Variants in MAGI2 observed in about 807,000 individuals in gnomAD.
MAGI2 encodes the protein membrane-associated guanylate kinase, WW and PDZ domain-containing protein 2.
In MAGI2, 35 loss-of-function variants were observed where a neutral mutation model predicts 133.3. That is an observed-to-expected ratio of 0.26 (90% CI 0.20 to 0.35). The LOEUF (loss-of-function observed/expected upper bound fraction) is 0.35, where lower values mean the gene tolerates loss of function less well. Ranked by LOEUF, MAGI2 falls within the 10% of genes least tolerant of loss-of-function variation. The pLI, the probability that MAGI2 is intolerant of heterozygous loss-of-function variation, is 1.00. For missense variants in MAGI2, 1,636 were observed against 1,863.4 expected, an observed-to-expected ratio of 0.88 and a Z score of 2.25; for synonymous variants, 729 against 710.6, an observed-to-expected ratio of 1.03 and a Z score of -0.41.
chr7:78,050,875 C>G (rs1204108511), intron 21 of MAGI2, among the ~76,000 whole-genome samples: 1 of 152,088 alleles, frequency 6.6e-6, no homozygotes, highest in Admixed American at 6.5e-5. Flanking sequence ...TCTACTGGCT[C>G]CCTCTACTAT....
Position 78,624,213 on chromosome 7 carries a change from T to C in MAGI2, c.538+2907A>G, listed in dbSNP as rs144558349. Among the ~76,000 whole-genome samples the C allele has an allele frequency of 6.8e-3, 1,037 of 152,232 alleles. 14 individuals carry two copies. Among genetic ancestry groups the C allele is most frequent in the African/African-American group, 0.018 (765 of 41,548 alleles). ...TTTTTTAAGTTCCTTGTAGACTCAA[T>C]ATTAGATCTTTGTCTGACAGATTGA... is the stretch of plus-strand genomic sequence containing the variant. On this transcript the variant is annotated intron_variant, in intron 3 of 21. Coordinates refer to ENST00000354212, the MANE Select transcript of MAGI2 (RefSeq NM_012301.4).
rs965969786 is a variant in MAGI2, at chr7:78,801,597, C to G, written c.419-174358G>C. On this transcript the variant is annotated intron_variant, in intron 2 of 21. Transcript: ENST00000354212. Reference sequence around the variant, plus strand: ...GAAAATACATTAATAGCATGAAACCCAAATAATAAAAAGGGTTTTTTTTGG... The same window carrying G: ...GAAAATACATTAATAGCATGAAACCGAAATAATAAAAAGGGTTTTTTTTGG... Among the ~76,000 whole-genome samples, 3 of 127,356 alleles carry G rather than the reference C, an allele frequency of 2.4e-5. No individual in the cohort carries two copies. The Admixed American group carries it at 2.4e-4, about 10-fold the overall frequency. The allele number at this position is 127,356 out of a possible 152,430, so 83.6% of individuals were successfully genotyped here. A position where few individuals can be genotyped will look rare whatever the true frequency, so the allele number is the denominator to read the frequency against.
intron 1 of MAGI2, among the ~76,000 whole-genome samples, chr7:79,009,467 C>T (rs1436579033): frequency 6.6e-6 from 1 of 152,064 alleles, no homozygotes. Context: ...CTCCTATTTC[C>T]CAAATGCTTT....
Position 78,890,825 on chromosome 7 carries a change from AG to A in MAGI2, c.418+116264del, listed in dbSNP as rs1274546922. 2.6e-5 allele frequency among the ~76,000 whole-genome samples: 4 copies of A among 152,244 alleles called. No homozygotes were observed. In the East Asian group the frequency reaches 7.7e-4, roughly 29 times the overall value. On this transcript the variant is annotated intron_variant, in intron 2 of 21. Transcript: ENST00000354212. ...ACATCACAATTAAAAGAACTAGAGAAGCAAGAGCAAACACATTCAAAAGCTA... is the reference window on the plus strand; with the variant it reads ...ACATCACAATTAAAAGAACTAGAGAACAAGAGCAAACACATTCAAAAGCTA...
At chr7:79,337,417 A>G (rs952170297) in intron 1 of MAGI2, among the ~76,000 whole-genome samples, 1 of 152,218 alleles carries the variant, frequency 6.6e-6, no homozygotes, top group African/African-American at 2.4e-5. Flanking sequence ...TTGTGTGCAC[A>G]TTCCTATACA....
intron 1 of MAGI2, among the ~76,000 whole-genome samples, chr7:79,228,557 C>T (rs917867844): frequency 1.3e-5 from 2 of 151,912 alleles, no homozygotes; most frequent in African/African-American, 2.4e-5. Flanking sequence ...AAAATGTTCT[C>T]CTAGCCCAGT....
At chr7:78,677,302 A>G (rs1210647162) in intron 2 of MAGI2, among the ~76,000 whole-genome samples, 1 of 151,210 alleles carries the variant, frequency 6.6e-6, no homozygotes, top group Non-Finnish European at 1.5e-5. Context: ...TTTATATAAA[A>G]GATTTATATA....
chr7:78,286,424 T>C (rs539948352), intron 9 of MAGI2, among the ~76,000 whole-genome samples: 7 of 152,206 alleles, frequency 4.6e-5, no homozygotes, highest in Admixed American at 4.6e-4. Flanking sequence ...ACAAGGAATA[T>C]GGCGATTTAC....
intron 10 of MAGI2, among the ~76,000 whole-genome samples, chr7:78,250,049 G>T (rs573844315): frequency 6.6e-6 from 1 of 151,766 alleles, no homozygotes; most frequent in Non-Finnish European, 1.5e-5. Context: ...ATATCCATTA[G>T]CTTTAGTGGG....
chr7:78,890,380 A>G (rs1796640742), intron 2 of MAGI2, among the ~76,000 whole-genome samples: 1 of 152,246 alleles, frequency 6.6e-6, no homozygotes, highest in Admixed American at 6.5e-5. Flanking sequence ...AGTGGACCTA[A>G]TAGACATCTA....
chr7:78,594,674 T>G (rs1804410412), intron 3 of MAGI2, among the ~76,000 whole-genome samples: 1 of 152,110 alleles, frequency 6.6e-6, no homozygotes, highest in Non-Finnish European at 1.5e-5. Flanking sequence ...GCCAGGATGG[T>G]CTTGATCTCT....
intron 3 of MAGI2, chr7:78,618,351 C>A (rs546473367): frequency 3.0e-4 from 45 of 151,996 alleles, no homozygotes; most frequent in African/African-American, 1.0e-3. Flanking sequence ...GAATATATTA[C>A]AATATATATT....
intron 1 of MAGI2, among the ~76,000 whole-genome samples, chr7:79,260,281 G>A (rs1008374540): frequency 5.3e-5 from 8 of 152,108 alleles, no homozygotes; most frequent in Non-Finnish European, 7.4e-5. Context: ...ACTTGAGCCC[G>A]TGAGATTGAG....
At chr7:78,345,048 A>G (rs1215507333) in intron 8 of MAGI2, among the ~76,000 whole-genome samples, 1 of 152,156 alleles carries the variant, frequency 6.6e-6, no homozygotes, top group African/African-American at 2.4e-5. Flanking sequence ...TTGTTGTTAC[A>G]TTTTGGGTGA....
At chr7:79,448,340 AATGT>A (rs1235099582) in intron 1 of MAGI2, among the ~76,000 whole-genome samples, 1 of 152,128 alleles carries the variant, frequency 6.6e-6, no homozygotes, top group Non-Finnish European at 1.5e-5. Context: ...ACTCTATATT[AATGT>A]CAATCATTTC....
At chr7:78,643,052 A>G (rs1810476863) in intron 2 of MAGI2, among the ~76,000 whole-genome samples, 2 of 152,232 alleles carry the variant, frequency 1.3e-5, no homozygotes, top group Non-Finnish European at 2.9e-5. Flanking sequence ...CAAATATCCT[A>G]TGGCTATCCC....
intron 1 of MAGI2, among the ~76,000 whole-genome samples, chr7:79,294,793 A>G (rs894471766): frequency 7.6e-6 from 1 of 131,332 alleles, no homozygotes; most frequent in African/African-American, 2.8e-5. Context: ...GCAGGGGCGC[A>G]ATCTCGGCTC....
At chr7:78,287,644 A>G (rs578220178) in intron 9 of MAGI2, among the ~76,000 whole-genome samples, 1 of 152,320 alleles carries the variant, frequency 6.6e-6, no homozygotes, top group South Asian at 2.1e-4. Context: ...AAGTCACCTG[A>G]GTGATCTTTA....
At chr7:78,021,589 C>G (rs1285267372) in intron 21 of MAGI2, among the ~76,000 whole-genome samples, 1 of 152,136 alleles carries the variant, frequency 6.6e-6, no homozygotes, top group Non-Finnish European at 1.5e-5. Flanking sequence ...AATGGTTTTC[C>G]CAATAATTCT....
Sources: gnomAD v4.1 joint callset for allele counts (sites outside exome capture counted in the v4.1 genomes callset) on GRCh38, gnomAD v4.1.1 for gene constraint, MANE v1.5 for transcripts, NCBI Gene and HGNC (gene_info 2026-07-23, HGNC 2026-07-21) for gene names.